FLCN: variants seen among roughly 807,000 people sequenced by gnomAD.
FLCN encodes the protein folliculin.
FLCN carries 22 observed loss-of-function variants against 62.5 expected under a neutral mutation model. The ratio of observed to expected loss-of-function variants is 0.35; its 90% CI spans 0.25 to 0.50. The LOEUF (loss-of-function observed/expected upper bound fraction) is 0.50. FLCN is among the 20% of genes least tolerant of loss of function. The pLI, the probability that FLCN is intolerant of heterozygous loss-of-function variation, is 0.97. For missense variants in FLCN, 657 were observed against 778.0 expected, an observed-to-expected ratio of 0.84 and a Z score of 1.85; for synonymous variants, 319 against 310.0, an observed-to-expected ratio of 1.03 and a Z score of -0.30.
In FLCN at chr17:17,213,412, A is replaced by C; in HGVS notation, c.*243T>G. The stretch of plus-strand genomic sequence containing the variant: ...GTCTCTCCAAGGAGTTTGAACACAG[A>C]GAGAGCCCATCATCCCTCCGCCTTT... On this transcript the variant is annotated 3_prime_UTR_variant, in exon 14 of 14. Coordinates refer to ENST00000285071, the MANE Select transcript of FLCN (RefSeq NM_144997.7). 2 of 602,452 alleles carry C rather than the reference A, an allele frequency of 3.3e-6. No individual in the cohort carries two copies. The highest frequency in any genetic ancestry group is 5.9e-6 in the Non-Finnish European group (2 of 336,708). 37.3% of individuals were successfully genotyped at this position (602,452 alleles called of 1,614,324 possible).
chr17:17,222,942 G>T (rs568317013), intron 6 of FLCN: 5 of 469,252 alleles, frequency 1.1e-5, no homozygotes, highest in Non-Finnish European at 1.6e-5. Flanking sequence ...CTCGTGAGTG[G>T]CCATCTGCGC....
intron 3 of FLCN, 182 bp from the exon 4 acceptor site, chr17:17,228,343 AG>A: frequency 1.5e-6 from 1 of 660,854 alleles, no homozygotes; most frequent in Non-Finnish European, 2.5e-6. Context: ...GAACAGAGAT[AG>A]GATCTTCCCA....
chr17:17,224,530 A>ATTCT (rs552405132), intron 5 of FLCN: 9 of 366,622 alleles, frequency 2.5e-5, no homozygotes, highest in East Asian at 1.6e-4. Flanking sequence ...CGCACATTTT[A>ATTCT]TTCTTTCTTT....
In FLCN at chr17:17,228,025, C is replaced by A. The variant is rs139418842; in HGVS notation, c.113G>T (p.Ser38Ile). 1.5e-5 allele frequency: 25 copies of A among 1,613,882 alleles called. No individual in the cohort carries two copies. The African/African-American group carries it at 3.2e-4, about 21-fold the overall frequency. ...TTCCGCCTGCTCACCCTGGCCAGGA[C>A]TGTCCTCATTCCCATCCCCTTGAGG... ...PLPQGDGNED[S>I]PGQGEQAEEE... The change falls in exon 4 of 14, where the codon AGT becomes ATT. Residue 38 changes from serine to isoleucine, a missense_variant. Transcript: ENST00000285071.
At chr17:17,213,934 GAC>G in intron 13 of FLCN, 78 bp from the exon 14 acceptor site, 1 of 1,503,242 alleles carries the variant, frequency 6.7e-7, no homozygotes, top group South Asian at 1.1e-5. Flanking sequence ...AACCAGGGGT[GAC>G]ACGGCTTTGG....
At chr17:17,233,467 C>T (rs1462783777) in intron 1 of FLCN, among the ~76,000 whole-genome samples, 1 of 151,596 alleles carries the variant, frequency 6.6e-6, no homozygotes, top group Non-Finnish European at 1.5e-5. Flanking sequence ...GGCATGGTGA[C>T]AGGCGCCTAT....
rs2046940129 is a variant in FLCN at position 17,216,848 on chromosome 17, C to T, written c.1176+221G>A. 1 of 622,668 alleles carries T rather than the reference C, an allele frequency of 1.6e-6. No homozygotes were observed. Among genetic ancestry groups the T allele is most frequent in the African/African-American group, 1.8e-5 (1 of 54,678 alleles). 38.6% of individuals were successfully genotyped at this position (622,668 alleles called of 1,614,324 possible). A position where few individuals can be genotyped will look rare whatever the true frequency, so the allele number is the denominator to read the frequency against. ...ACTGTGTCATATGCATTTTTGTTCC[C>T]TCTCAGGCCTGGGCAGTCAGCAGGC... On this transcript the variant is annotated intron_variant, in intron 10 of 13. Coordinates refer to ENST00000285071, the MANE Select transcript of FLCN (RefSeq NM_144997.7). This position sits in a 1 kb window ranked among gnomAD's most constrained non-coding sequence, Gnocchi z 4.0.
chr17:17,212,579 G>A lies in FLCN; in HGVS notation c.*1076C>T. The A allele has an allele frequency of 5.9e-6, 1 of 170,260 alleles. No individual in the cohort carries two copies. Among genetic ancestry groups the A allele is most frequent in the Non-Finnish European group, 1.3e-5 (1 of 78,756 alleles). 10.5% of individuals were successfully genotyped at this position (170,260 alleles called of 1,614,324 possible). A position where few individuals can be genotyped will look rare whatever the true frequency, so the allele number is the denominator to read the frequency against. On this transcript the variant is annotated 3_prime_UTR_variant, in exon 14 of 14. Coordinates refer to ENST00000285071, the MANE Select transcript of FLCN (RefSeq NM_144997.7). ...GTGGGTGGATCACCTGAGGTCAGGAGTTTGAGACCAGCCCGGCCAACACGG... is the reference window on the plus strand; with the variant it reads ...GTGGGTGGATCACCTGAGGTCAGGAATTTGAGACCAGCCCGGCCAACACGG...
chr17:17,215,366 C>A (rs1346019870), intron 11 of FLCN, 50 bp from the exon 12 acceptor site: 2 of 1,612,002 alleles, frequency 1.2e-6, no homozygotes, highest in South Asian at 2.2e-5. Flanking sequence ...TGCTCCTCAC[C>A]TCCCCTGCGC....
intron 11 of FLCN, 100 bp from the exon 12 acceptor site, chr17:17,215,416 T>C (rs2046888456): frequency 6.4e-7 from 1 of 1,574,582 alleles, no homozygotes; most frequent in African/African-American, 1.3e-5. Context: ...CCCAGGTCAG[T>C]GGGGAAGGCT....
In FLCN at chr17:17,217,055, A is replaced by T. The variant is rs757366854; in HGVS notation, c.1176+14T>A. On this transcript the variant is annotated intron_variant, in intron 10 of 13. Transcript: ENST00000285071. ...CTGCCCTGCGCCGCACACCTAAGGA[A>T]AAGATGTTCTCACCCGAAGTACTTC... 2.6e-5 allele frequency: 41 copies of T among 1,584,810 alleles called. No individual in the cohort carries two copies. The highest frequency in any genetic ancestry group is 3.6e-5 in the Non-Finnish European group (41 of 1,153,576).
At chr17:17,225,965 A>T in intron 5 of FLCN, 1 of 701,396 alleles carries the variant, frequency 1.4e-6, no homozygotes, top group East Asian at 2.7e-5. Context: ...GCTAGCACTC[A>T]ATCAGAAAAT....
chr17:17,223,542 G>A (rs1013186719), intron 6 of FLCN, among the ~76,000 whole-genome samples: 24 of 152,224 alleles, frequency 1.6e-4, no homozygotes, highest in Admixed American at 1.5e-3. Context: ...ACCAGAGCAC[G>A]ACCTGGCCTG....
At position 17,228,049 on chromosome 17, in the gene FLCN, G is replaced by C. The variant is rs2047311584; in HGVS notation, c.89C>G (p.Pro30Arg). The change falls in exon 4 of 14, where the codon CCT becomes CGT. Residue 30 changes from proline (P) to arginine (R), a missense_variant. Coordinates refer to ENST00000285071, the MANE Select transcript of FLCN (RefSeq NM_144997.7). ...FCTEVLHAPL[P>R]QGDGNEDSPG... ...ACTGTCCTCATTCCCATCCCCTTGA[G>C]GAAGTGGGGCGTGCAGCACCTCCGT... 1 of 1,613,750 alleles carries C rather than the reference G, an allele frequency of 6.2e-7. No homozygotes were observed. Among genetic ancestry groups the C allele is most frequent in the Admixed American group, 1.7e-5 (1 of 60,012 alleles).
chr17:17,213,566 G>C lies in FLCN; in HGVS notation c.*89C>G. The C allele has an allele frequency of 6.4e-7, 1 of 1,556,190 alleles. No homozygotes were observed. Among genetic ancestry groups the C allele is most frequent in the Non-Finnish European group, 8.8e-7 (1 of 1,130,044 alleles). On this transcript the variant is annotated 3_prime_UTR_variant, in exon 14 of 14. Transcript: ENST00000285071. ...TGCTGGGACACAGCTCCTTCCAGCAGTTGAGAAACTCAAGGGACAGTCCCT... is the reference window on the plus strand; with the variant it reads ...TGCTGGGACACAGCTCCTTCCAGCACTTGAGAAACTCAAGGGACAGTCCCT...
chr17:17,225,898 A>C (rs2047231594), intron 5 of FLCN: 1 of 566,706 alleles, frequency 1.8e-6, no homozygotes, highest in African/African-American at 1.9e-5. Flanking sequence ...GGAAAAAAGA[A>C]AACAATAATA....
At chr17:17,224,273 G>T in intron 5 of FLCN, 130 bp from the exon 6 acceptor site, 1 of 823,078 alleles carries the variant, frequency 1.2e-6, no homozygotes, top group Non-Finnish European at 2.0e-6. Flanking sequence ...GAGTGGCACA[G>T]TGGGGGCCAT....
intron 7 of FLCN, 26 bp from the exon 8 acceptor site, chr17:17,221,654 G>T (rs2047095204): frequency 6.2e-7 from 1 of 1,601,538 alleles, no homozygotes; most frequent in East Asian, 2.2e-5. Context: ...CCAGCTATGA[G>T]CGTTCTCGCC....
In FLCN at chr17:17,224,051, G is replaced by T. The variant is rs775176038; in HGVS notation, c.489C>A (p.Ala163=). 6.8e-6 allele frequency: 11 copies of T among 1,613,872 alleles called. No individual in the cohort carries two copies. The highest frequency in any genetic ancestry group is 9.3e-6 in the Non-Finnish European group (11 of 1,180,012). Residue 163 remains alanine (A), a synonymous_variant, in exon 6 of 14, where the codon GCC becomes GCA. Coordinates refer to ENST00000285071, the MANE Select transcript of FLCN (RefSeq NM_144997.7). ...TGCTGTACCAGCGCTGGAAGCCCCTGGCCAGGCTGTCCTTGATGAAGAAGG... is the reference window on the plus strand; with the variant it reads ...TGCTGTACCAGCGCTGGAAGCCCCTTGCCAGGCTGTCCTTGATGAAGAAGG... The part of the protein sequence containing the change: ...SHTFFIKDSL[A]RGFQRWYSII...
Sources: allele counts gnomAD v4.1 joint callset (sites outside exome capture counted in the v4.1 genomes callset), GRCh38; gene constraint gnomAD v4.1.1; non-coding constraint Gnocchi (gnomAD v3.1); transcripts MANE v1.5; gene names NCBI Gene and HGNC (gene_info 2026-07-23, HGNC 2026-07-21).